Variants in PDE4D observed in about 807,000 individuals in gnomAD.
PDE4D encodes 3',5'-cyclic-AMP phosphodiesterase 4D.
In PDE4D, 24 loss-of-function variants were observed where a neutral mutation model predicts 87.4. The ratio of observed to expected loss-of-function variants is 0.27; its 90% CI spans 0.20 to 0.39. The LOEUF is 0.39. PDE4D is among the 10% of genes least tolerant of loss of function. PDE4D has a pLI of 1.00. For missense variants in PDE4D, 714 were observed against 1,041.0 expected, an observed-to-expected ratio of 0.69 and a Z score of 4.32; for synonymous variants, 384 against 383.2, an observed-to-expected ratio of 1.00 and a Z score of -0.02.
chr5:59,769,070 T>C (rs1763178667), intron 1 of PDE4D, among the ~76,000 whole-genome samples: 2 of 143,370 alleles, frequency 1.4e-5, no homozygotes, highest in Admixed American at 7.0e-5. Flanking sequence ...CTTTGTTTTT[T>C]TCTCTCTTTT....
chr5:59,177,056 T>C (rs2153476243), intron 5 of PDE4D, among the ~76,000 whole-genome samples: 1 of 152,290 alleles, frequency 6.6e-6, no homozygotes, highest in Admixed American at 6.5e-5. Flanking sequence ...ATTACCCCCT[T>C]GTTACGGAAT....
At chr5:59,668,823 AAG>A (rs1746569170) in intron 1 of PDE4D, among the ~76,000 whole-genome samples, 7 of 97,362 alleles carry the variant, frequency 7.2e-5, no homozygotes, top group African/African-American at 3.4e-4. Flanking sequence ...GAAGAAGAAG[AAG>A]AAGAAGAGGA....
At chr5:60,199,751 T>C (rs1371157512) in intron 1 of PDE4D, among the ~76,000 whole-genome samples, 2 of 151,710 alleles carry the variant, frequency 1.3e-5, no homozygotes, top group African/African-American at 4.8e-5. Flanking sequence ...AAATGGTCTT[T>C]CAGTTTCTAA....
chr5:59,250,297 G>A (rs1392925892), intron 1 of PDE4D, among the ~76,000 whole-genome samples: 3 of 149,170 alleles, frequency 2.0e-5, no homozygotes, highest in African/African-American at 7.4e-5. Flanking sequence ...GGCAACATAG[G>A]GAGACACTGT....
chr5:59,237,936 A>T (rs1412663485), intron 1 of PDE4D, among the ~76,000 whole-genome samples: 3 of 152,066 alleles, frequency 2.0e-5, no homozygotes. Flanking sequence ...TATTCATTGC[A>T]TCTGAATTTT....
At chr5:58,997,120 T>G (rs1291939156) in intron 6 of PDE4D, among the ~76,000 whole-genome samples, 4 of 152,178 alleles carry the variant, frequency 2.6e-5, no homozygotes, top group African/African-American at 9.6e-5. Flanking sequence ...TTCCTAAAGA[T>G]AATTCTGAAG....
chr5:59,301,318 C>T (rs1770205921), intron 1 of PDE4D, among the ~76,000 whole-genome samples: 1 of 152,044 alleles, frequency 6.6e-6, no homozygotes, highest in Non-Finnish European at 1.5e-5. Flanking sequence ...TGAGCTAGAC[C>T]TCAGATGAAA....
intron 1 of PDE4D, chr5:59,314,618 CT>C (rs1773332892): frequency 6.6e-6 from 1 of 152,134 alleles, no homozygotes; most frequent in South Asian, 2.1e-4. Flanking sequence ...CCCTATTGCA[CT>C]TGTGTCAACA....
At chr5:60,489,582 A>G (rs1353446956), upstream of PDE4D, 1 of 152,180 alleles carries the variant, frequency 6.6e-6, no homozygotes, top group Non-Finnish European at 1.5e-5. Context: ...GAATTGTCCA[A>G]TCTGTGACTA....
At chr5:60,306,442 C>G (rs1392345560) in intron 1 of PDE4D, among the ~76,000 whole-genome samples, 5 of 151,770 alleles carry the variant, frequency 3.3e-5, no homozygotes, top group Admixed American at 6.5e-5. Flanking sequence ...TAAAGGTCAA[C>G]AAAATAACCT....
chr5:60,020,912 G>C (rs1381648760), intron 2 of PDE4D, among the ~76,000 whole-genome samples: 1 of 152,170 alleles, frequency 6.6e-6, no homozygotes, highest in Non-Finnish European at 1.5e-5. Flanking sequence ...TGTTTAGAGG[G>C]TTAGCTCTGA....
chr5:60,213,252 C>G (rs528499790), intron 1 of PDE4D, among the ~76,000 whole-genome samples: 2 of 152,142 alleles, frequency 1.3e-5, no homozygotes, highest in Non-Finnish European at 2.9e-5. Flanking sequence ...AGAAGCGAAG[C>G]AGGGGCTATT....
chr5:59,843,250 A>G (rs969253725), intron 1 of PDE4D, among the ~76,000 whole-genome samples: 4 of 151,976 alleles, frequency 2.6e-5, no homozygotes, highest in Non-Finnish European at 5.9e-5. Flanking sequence ...AAGAATTTTT[A>G]TTTTAGCCAT....
At chr5:59,414,657 A>G (rs1381965817) in intron 1 of PDE4D, among the ~76,000 whole-genome samples, 2 of 152,268 alleles carry the variant, frequency 1.3e-5, no homozygotes, top group Non-Finnish European at 2.9e-5. Flanking sequence ...TAGCTCATAC[A>G]GAAAATGAGA....
intron 2 of PDE4D, among the ~76,000 whole-genome samples, chr5:60,076,097 G>T (rs1287818009): frequency 6.6e-6 from 1 of 152,074 alleles, no homozygotes; most frequent in African/African-American, 2.4e-5. Context: ...GGCTTTTTGA[G>T]TTCTTAGAGT....
chr5:59,479,737 A>G (rs1188933361), intron 1 of PDE4D, among the ~76,000 whole-genome samples: 2 of 152,144 alleles, frequency 1.3e-5, no homozygotes, highest in Admixed American at 1.3e-4. Flanking sequence ...GGTAAAATAA[A>G]CCGTATTTTT....
intron 2 of PDE4D, among the ~76,000 whole-genome samples, chr5:60,033,341 CA>C (rs1182765627): frequency 2.0e-5 from 3 of 152,048 alleles, no homozygotes; most frequent in African/African-American, 7.2e-5. Context: ...TGAAGTTTTG[CA>C]CGAGGATTTT....
intron 1 of PDE4D, among the ~76,000 whole-genome samples, chr5:59,597,389 A>C (rs1366458668): frequency 2.0e-5 from 3 of 152,120 alleles, no homozygotes; most frequent in Admixed American, 6.6e-5. Context: ...GATGTTCTGG[A>C]GACTGTTCTT....
At chr5:59,872,246 T>C (rs989057706) in intron 1 of PDE4D, among the ~76,000 whole-genome samples, 1 of 147,366 alleles carries the variant, frequency 6.8e-6, no homozygotes, top group Admixed American at 6.9e-5. Context: ...CACTGATGGA[T>C]TCACAACAGA....
Sources: allele counts gnomAD v4.1 joint callset (sites outside exome capture counted in the v4.1 genomes callset), GRCh38; gene constraint gnomAD v4.1.1; transcripts MANE v1.5; gene names NCBI Gene and HGNC (gene_info 2026-07-23, HGNC 2026-07-21).